The following FBLN7 variants were observed in gnomAD, a reference collection of about 807,000 sequenced individuals.
The protein encoded by FBLN7 is fibulin-7.
FBLN7 carries 31 observed loss-of-function variants against 44.0 expected under a neutral mutation model. That is an observed-to-expected ratio of 0.70 (90% CI 0.53 to 0.95). FBLN7 has a LOEUF of 0.95. FBLN7 is among the 40% of genes least tolerant of loss of function. FBLN7 has a pLI of 0.00. For synonymous variants in FBLN7, 262 were observed against 253.4 expected (o/e 1.03, Z -0.32); for missense variants, 573 against 618.5 (o/e 0.93, Z 0.78).
chr2:112,238,400 T>C, the FBLN7 span: 13 of 1,613,684 alleles, frequency 8.1e-6, no homozygotes, highest in South Asian at 3.3e-5. Context: ...GTATGTACTG[T>C]TGAAGCTCTT....
At chr2:112,199,809 C>G in the FBLN7 span, among the ~76,000 whole-genome samples, 4 of 152,132 alleles carry the variant, frequency 2.6e-5, no homozygotes, top group Non-Finnish European at 4.4e-5. Context: ...ATGTCACTAT[C>G]ACAGGAGTGG....
chr2:112,197,274 CAGAGAG>C, the FBLN7 span, among the ~76,000 whole-genome samples: 477 of 98,612 alleles, frequency 4.8e-3, 1 homozygote, highest in African/African-American at 7.7e-3. Context: ...CACACACACA[CAGAGAG>C]AGAGAGAGAG....
intron 1 of FBLN7, among the ~76,000 whole-genome samples, chr2:112,150,181 C>A (rs1056851865): frequency 6.6e-6 from 1 of 152,156 alleles, no homozygotes; most frequent in Non-Finnish European, 1.5e-5. Context: ...GGGTTATGAG[C>A]TCTGGAGCAG....
intron 2 of FBLN7, among the ~76,000 whole-genome samples, chr2:112,161,699 G>A (rs955040991): frequency 5.3e-5 from 8 of 152,192 alleles, no homozygotes; most frequent in South Asian, 2.1e-4. Flanking sequence ...GGCCCTGCCC[G>A]CTAGACAGAT....
At chr2:112,216,635 T>A in the FBLN7 span, among the ~76,000 whole-genome samples, 2 of 135,198 alleles carry the variant, frequency 1.5e-5, no homozygotes, top group Non-Finnish European at 1.6e-5. Context: ...TTGGGAAAAT[T>A]AAAGAACATT....
intron 3 of FBLN7, among the ~76,000 whole-genome samples, chr2:112,168,027 C>T (rs927478409): frequency 2.0e-5 from 3 of 152,138 alleles, no homozygotes; most frequent in South Asian, 2.1e-4. Flanking sequence ...ATGTGGAGGG[C>T]GGACTTTGCC....
At chr2:112,231,224 C>T in the FBLN7 span, among the ~76,000 whole-genome samples, 5 of 152,130 alleles carry the variant, frequency 3.3e-5, no homozygotes, top group Non-Finnish European at 5.9e-5. Flanking sequence ...TATAAACAAG[C>T]ACCTTTGACT....
At chr2:112,227,441 C>A in the FBLN7 span, among the ~76,000 whole-genome samples, 1 of 152,216 alleles carries the variant, frequency 6.6e-6, no homozygotes, top group Admixed American at 6.5e-5. Flanking sequence ...AGGAGAATCA[C>A]CTGAACCCGC....
At chr2:112,178,179 AAG>A (rs1301674309) in intron 4 of FBLN7, among the ~76,000 whole-genome samples, 1 of 151,864 alleles carries the variant, frequency 6.6e-6, no homozygotes, top group Non-Finnish European at 1.5e-5. Context: ...AAAAGAAAGA[AAG>A]AGAGAGAGAG....
At chr2:112,228,859 C>A in the FBLN7 span, among the ~76,000 whole-genome samples, 1 of 151,030 alleles carries the variant, frequency 6.6e-6, no homozygotes, top group Non-Finnish European at 1.5e-5. Context: ...ATCCAACATA[C>A]GTAAAGAACT....
Position 112,138,591 on chromosome 2 carries a change from G to A in FBLN7, c.-65G>A, listed in dbSNP as rs1023983111. The A allele has an allele frequency of 1.9e-6, 3 of 1,611,048 alleles. No individual in the cohort carries two copies. Among genetic ancestry groups the A allele is most frequent in the East Asian group, 2.2e-5 (1 of 44,712 alleles). ...TGCAGGGACGGCTGCCGCATCGCTG[G>A]GACAAACTCGGCAGCGGAGGCAAAG... On this transcript the variant is annotated 5_prime_UTR_variant, in exon 1 of 8. Coordinates refer to ENST00000331203, the MANE Select transcript of FBLN7 (RefSeq NM_153214.3).
chr2:112,138,572 G>A lies in FBLN7; in HGVS notation c.-84G>A. 3 of 1,604,206 alleles carry A rather than the reference G, an allele frequency of 1.9e-6. No homozygotes were observed. The highest frequency in any genetic ancestry group is 2.6e-6 in the Non-Finnish European group (3 of 1,174,898). ...CGCGCGGCGCCCCGCACCCTGCAGG[G>A]ACGGCTGCCGCATCGCTGGGACAAA... On this transcript the variant is annotated 5_prime_UTR_variant, in exon 1 of 8. Transcript: ENST00000331203.
At chr2:112,150,256 G>A (rs1433298475) in intron 1 of FBLN7, among the ~76,000 whole-genome samples, 1 of 152,146 alleles carries the variant, frequency 6.6e-6, no homozygotes, top group African/African-American at 2.4e-5. Context: ...ACCAGCAACT[G>A]GTTGCATTGT....
intron 1 of FBLN7, among the ~76,000 whole-genome samples, chr2:112,140,201 C>T (rs1680563973): frequency 7.4e-6 from 1 of 135,858 alleles, no homozygotes; most frequent in African/African-American, 2.8e-5. Context: ...TCTCTCCAGG[C>T]CAGTGTCCCT....
intron 1 of FBLN7, among the ~76,000 whole-genome samples, chr2:112,142,908 T>TGC (rs1680724954): frequency 6.6e-6 from 1 of 152,066 alleles, no homozygotes; most frequent in South Asian, 2.1e-4. Context: ...TATGTGTGTG[T>TGC]GCATATCTGT....
chr2:112,167,121 A>G (rs1464050784), intron 3 of FBLN7, among the ~76,000 whole-genome samples: 1 of 152,132 alleles, frequency 6.6e-6, no homozygotes. Flanking sequence ...CATCTTACTT[A>G]TGTGTGTGCT....
chr2:112,152,099 A>T (rs927041338), intron 1 of FBLN7: 1 of 152,260 alleles, frequency 6.6e-6, no homozygotes, highest in African/African-American at 2.4e-5. Flanking sequence ...TGAGAGGATG[A>T]ATGAGGCAGG....
chr2:112,224,337 T>C, the FBLN7 span, among the ~76,000 whole-genome samples: 26 of 152,304 alleles, frequency 1.7e-4, no homozygotes, highest in African/African-American at 6.0e-4. Context: ...TCAACATCTC[T>C]TCCTGATTAT....
chr2:112,157,759 C>T (rs1681506896), intron 1 of FBLN7, among the ~76,000 whole-genome samples: 1 of 152,192 alleles, frequency 6.6e-6, no homozygotes, highest in Non-Finnish European at 1.5e-5. Context: ...CACCACCATG[C>T]CCAGCTAATT....
Sources: allele counts gnomAD v4.1 joint callset (sites outside exome capture counted in the v4.1 genomes callset), GRCh38; gene constraint gnomAD v4.1.1; transcripts MANE v1.5; gene names NCBI Gene and HGNC (gene_info 2026-07-23, HGNC 2026-07-21).